Variants in GSN observed in about 807,000 individuals in gnomAD.
GSN encodes the protein gelsolin.
Under a neutral mutation model 85.7 loss-of-function variants are expected in GSN, and 56 were observed. That is an observed-to-expected ratio of 0.65 (90% CI 0.53 to 0.82). The LOEUF (loss-of-function observed/expected upper bound fraction) is 0.82. GSN is among the 40% of genes least tolerant of loss of function. The pLI is 0.00. For missense variants in GSN, 857 were observed against 979.8 expected (o/e 0.87, Z 1.67); for synonymous variants, 373 against 399.1 (o/e 0.93, Z 0.78).
In GSN at chr9:121,231,632, A is replaced by G. The variant is rs372476903; in HGVS notation, c.-389+329A>G. ...CAACTGAGAGCTGGGAAGAGGGAAG[A>G]GAAAGTGCTGCAAATTTTCAACAGA... is the stretch of plus-strand genomic sequence containing the variant. On this transcript the variant is annotated intron_variant, in intron 5 of 24. Transcript: ENST00000373823. 5.9e-5 allele frequency among the ~76,000 whole-genome samples: 9 copies of G among 152,352 alleles called. No homozygotes were observed. The East Asian group carries it at 1.7e-3, about 29-fold the overall frequency.
At position 121,329,107 on chromosome 9, in the gene GSN, G is replaced by T; in HGVS notation, c.1887+92G>T. ...CAGCAGGGGCAGGAGAAACAGTTCT[G>T]ATGGTGTGGCACAGAGGAAGGGGCC... On this transcript the variant is annotated intron_variant, in intron 15 of 17. Transcript: ENST00000432226. The surrounding 1 kb of genome is among the most constrained non-coding windows in gnomAD (Gnocchi z 4.6). 1 of 1,562,626 alleles carries T rather than the reference G, an allele frequency of 6.4e-7. No individual in the cohort carries two copies. Among genetic ancestry groups the T allele is most frequent in the South Asian group, 1.1e-5 (1 of 88,948 alleles).
rs181426963 is a variant in GSN at position 121,273,449 on chromosome 9, C to T, written c.-103+5230C>T. 4.1e-4 allele frequency among the ~76,000 whole-genome samples: 63 copies of T among 151,994 alleles called. 1 individual carries two copies. In the East Asian group the frequency reaches 0.012, roughly 28 times the overall value. On this transcript the variant is annotated intron_variant, in intron 1 of 17. Transcript: ENST00000432226. ...TGGGTGGCATATGTACTTTTTTCTC[C>T]CCACCTCCAAGGACCTTTTCCCCCC...
At chr9:121,248,747 G>C (rs1384289301) in intron 6 of GSN, among the ~76,000 whole-genome samples, 1 of 152,178 alleles carries the variant, frequency 6.6e-6, no homozygotes, top group Non-Finnish European at 1.5e-5. Context: ...AACAGAGAGA[G>C]CAAATGCCTT....
chr9:121,249,185 G>A (rs895972169), intron 6 of GSN, among the ~76,000 whole-genome samples: 6 of 152,104 alleles, frequency 3.9e-5, no homozygotes, highest in Non-Finnish European at 7.4e-5. Context: ...GAGACTGGGC[G>A]TGGTGGCTCA....
chr9:121,327,475 C>A lies in GSN; in HGVS notation c.1755C>A (p.Ser585Arg), dbSNP rs1456102520. ...AACCTGTGCAGGTGGCAGAAGGCAGCGAGCCAGGTAGGAGCCGGGGTGGGG... is the reference window on the plus strand; with the variant it reads ...AACCTGTGCAGGTGGCAGAAGGCAGAGAGCCAGGTAGGAGCCGGGGTGGGG... ...RAQPVQVAEG[S>R]EPDGFWEALG... The change falls in exon 14 of 18, where the codon AGC becomes AGA. Residue 585 changes from serine to arginine, a missense_variant. By Grantham distance (110) the Ser-to-Arg change is moderately radical (BLOSUM62 -1). Coordinates refer to ENST00000432226, the MANE Select transcript of GSN (RefSeq NM_198252.3). 1 of 1,573,044 alleles carries A rather than the reference C, an allele frequency of 6.4e-7. No individual in the cohort carries two copies. The highest frequency in any genetic ancestry group is 8.6e-7 in the Non-Finnish European group (1 of 1,158,256).
intron 5 of GSN, among the ~76,000 whole-genome samples, chr9:121,232,175 T>C (rs966635964): frequency 6.6e-6 from 1 of 152,220 alleles, no homozygotes; most frequent in African/African-American, 2.4e-5. Context: ...CTTGTTATAA[T>C]GTGGTACAAT....
rs2062406752 is a variant in GSN, at chr9:121,321,274, A to C, written c.1198A>C (p.Arg400=). The change falls in exon 11 of 18, where the codon AGA becomes CGA. Residue 400 remains arginine (R), a synonymous_variant. Coordinates refer to ENST00000432226, the MANE Select transcript of GSN (RefSeq NM_198252.3). ...TCCAGCTTTGCTCCTGCAGATCTGG[A>C]GAATCGAAGGTTCCAACAAGGTGCC... The part of the protein sequence containing the change: ...DDGTGQKQIW[R]IEGSNKVPVD... 1 of 1,614,042 alleles carries C rather than the reference A, an allele frequency of 6.2e-7. No individual in the cohort carries two copies. The highest frequency in any genetic ancestry group is 8.5e-7 in the Non-Finnish European group (1 of 1,179,988).
chr9:121,276,823 A>G lies in GSN; in HGVS notation c.-102-4647A>G, dbSNP rs2056739650. On this transcript the variant is annotated intron_variant, in intron 1 of 17. Coordinates refer to ENST00000432226, the MANE Select transcript of GSN (RefSeq NM_198252.3). ...GGGAGGAGGGGGGAGGGATAGTATT[A>G]GGAGATATACCTAATGTAAATGACG... 2.6e-5 allele frequency among the ~76,000 whole-genome samples: 4 copies of G among 152,066 alleles called. No individual in the cohort carries two copies. In the South Asian group the frequency reaches 6.2e-4, roughly 24 times the overall value.
intron 4 of GSN, among the ~76,000 whole-genome samples, chr9:121,219,463 A>G (rs1386620782): frequency 6.6e-6 from 1 of 152,140 alleles, no homozygotes; most frequent in Non-Finnish European, 1.5e-5. Flanking sequence ...GCGTTGACAC[A>G]GGAGAACAGC....
At chr9:121,313,761 G>C (rs1229881560) in intron 6 of GSN, 173 bp from the exon 7 acceptor site, 3 of 656,794 alleles carry the variant, frequency 4.6e-6, no homozygotes, top group Non-Finnish European at 8.3e-6. Flanking sequence ...AGGGACCTCT[G>C]ATGGACAGAT....
At chr9:121,303,727 A>G (rs2063752849) in intron 4 of GSN, among the ~76,000 whole-genome samples, 1 of 152,022 alleles carries the variant, frequency 6.6e-6, no homozygotes, top group Non-Finnish European at 1.5e-5. Flanking sequence ...CAGGGCTGGG[A>G]GAGGATTTGG....
At chr9:121,331,736 A>G (rs364814) in intron 17 of GSN, 304,823 of 354,292 alleles carry the variant, frequency 0.86, 131,645 homozygotes, top group East Asian at 0.99. Context: ...GAATACTCAG[A>G]AGCTGAACTT....
chr9:121,303,552 C>T (rs1187180480), intron 4 of GSN, among the ~76,000 whole-genome samples: 1 of 152,250 alleles, frequency 6.6e-6, no homozygotes, highest in African/African-American at 2.4e-5. Flanking sequence ...TGGATCAAGA[C>T]AGAGCTCTTT....
At chr9:121,301,347 C>T (rs2059817065) in intron 2 of GSN, among the ~76,000 whole-genome samples, 1 of 152,206 alleles carries the variant, frequency 6.6e-6, no homozygotes, top group Non-Finnish European at 1.5e-5. Flanking sequence ...AGAAGGGAGG[C>T]TGGGCGCGGT....
intron 2 of GSN, chr9:121,285,544 T>A (rs919107865): frequency 4.8e-5 from 8 of 166,114 alleles, no homozygotes; most frequent in African/African-American, 1.2e-4. Context: ...AAAATGAAAT[T>A]AAAAAAAAAT....
rs114150100 is a variant in GSN at position 121,216,610 on chromosome 9, G to T, written c.-528+5743G>T. Reference sequence around the variant, plus strand: ...TCCTCTGTGATGCCTGCCAGGCCTTGTAATATCCTCCTACCCCCAGGTTCC... The same window carrying T: ...TCCTCTGTGATGCCTGCCAGGCCTTTTAATATCCTCCTACCCCCAGGTTCC... On this transcript the variant is annotated intron_variant, in intron 4 of 24. Transcript: ENST00000373823. Among the ~76,000 whole-genome samples, 1,233 of 152,290 alleles carry T rather than the reference G, an allele frequency of 8.1e-3. 19 individuals are homozygous for T. Among genetic ancestry groups the T allele is most frequent in the African/African-American group, 0.028 (1,173 of 41,548 alleles).
chr9:121,230,258 G>A (rs1306153242), intron 4 of GSN, among the ~76,000 whole-genome samples: 1 of 152,170 alleles, frequency 6.6e-6, no homozygotes, highest in Non-Finnish European at 1.5e-5. Flanking sequence ...GGCTCAGAGA[G>A]AGAAAACGGC....
chr9:121,233,831 G>A (rs1260729178), intron 5 of GSN, among the ~76,000 whole-genome samples: 2 of 152,224 alleles, frequency 1.3e-5, no homozygotes, highest in Non-Finnish European at 2.9e-5. Flanking sequence ...GCAGATGTTA[G>A]GTGTCACCTT....
Position 121,299,824 on chromosome 9 carries a change from CG to C in GSN, c.-9-2138del. The C allele has an allele frequency of 7.6e-7, 1 of 1,317,340 alleles. No homozygotes were observed. Among genetic ancestry groups the C allele is most frequent in the Non-Finnish European group, 9.7e-7 (1 of 1,026,478 alleles). The allele number at this position is 1,317,340 out of a possible 1,614,324, so 81.6% of individuals were successfully genotyped here. A position where few individuals can be genotyped will look rare whatever the true frequency, so the allele number is the denominator to read the frequency against. ...CTACTTAAGGTCGGCGACCCGAGGC[CG>C]CGGCTGCCGACTGGGTCCCCTGCCG... On this transcript the variant is annotated intron_variant, in intron 2 of 17. Coordinates refer to ENST00000432226, the MANE Select transcript of GSN (RefSeq NM_198252.3). This position sits in a 1 kb window ranked among gnomAD's most constrained non-coding sequence, Gnocchi z 4.2.
Sources: allele counts gnomAD v4.1 joint callset (sites outside exome capture counted in the v4.1 genomes callset), GRCh38; gene constraint gnomAD v4.1.1; non-coding constraint Gnocchi (gnomAD v3.1); transcripts MANE v1.5; gene names NCBI Gene and HGNC (gene_info 2026-07-23, HGNC 2026-07-21).